The following GLIS3 variants were observed in gnomAD, a reference collection of about 807,000 sequenced individuals.
The protein encoded by GLIS3 is zinc finger protein GLIS3.
Under a neutral mutation model 78.6 loss-of-function variants are expected in GLIS3, and 53 were observed. The observed-to-expected ratio is 0.67, with a 90% CI of 0.54 to 0.85. The LOEUF (loss-of-function observed/expected upper bound fraction) is 0.85. Among genes scored for constraint, GLIS3 ranks in the 40% least tolerant of loss-of-function variants. The pLI is 0.00. For missense variants in GLIS3, 1,703 were observed against 1,231.1 expected (o/e 1.38, Z -5.74); for synonymous variants, 684 against 509.9 (o/e 1.34, Z -4.60).
intron 2 of GLIS3, among the ~76,000 whole-genome samples, chr9:4,232,632 G>C (rs1025299301): frequency 6.6e-6 from 1 of 152,080 alleles, no homozygotes; most frequent in Admixed American, 6.5e-5. Flanking sequence ...ACCAGTACTA[G>C]CAACAGGTAG....
chr9:4,402,784 A>G, the GLIS3 span, among the ~76,000 whole-genome samples: 1 of 152,172 alleles, frequency 6.6e-6, no homozygotes, highest in Non-Finnish European at 1.5e-5. Flanking sequence ...AGAAGGGGAA[A>G]GAAAGATAAA....
chr9:4,241,890 G>C (rs1283149069), intron 2 of GLIS3, among the ~76,000 whole-genome samples: 2 of 152,088 alleles, frequency 1.3e-5, no homozygotes, highest in Admixed American at 1.3e-4. Context: ...TGCCATGTTG[G>C]CCAGGCTGTT....
At chr9:4,247,436 G>C (rs575892394) in intron 2 of GLIS3, among the ~76,000 whole-genome samples, 1 of 152,070 alleles carries the variant, frequency 6.6e-6, no homozygotes, top group African/African-American at 2.4e-5. Flanking sequence ...ATAATTATAA[G>C]AATAGATCTA....
At chr9:4,133,115 ACTAT>A (rs577843544) in intron 2 of GLIS3, among the ~76,000 whole-genome samples, 21 of 152,222 alleles carry the variant, frequency 1.4e-4, no homozygotes, top group African/African-American at 1.2e-4. Flanking sequence ...AGCTCATCGT[ACTAT>A]CTATCTATCT....
intron 9 of GLIS3, among the ~76,000 whole-genome samples, chr9:3,834,311 A>G (rs1818216614): frequency 6.6e-6 from 1 of 152,198 alleles, no homozygotes; most frequent in Non-Finnish European, 1.5e-5. Flanking sequence ...TTACATGAGT[A>G]AATATGATAA....
intron 7 of GLIS3, among the ~76,000 whole-genome samples, chr9:3,889,352 G>T (rs1286479425): frequency 6.6e-6 from 1 of 152,140 alleles, no homozygotes; most frequent in Non-Finnish European, 1.5e-5. Context: ...AGAGTGCCCT[G>T]GGAGACCTAT....
chr9:4,368,743 C>T, the GLIS3 span, among the ~76,000 whole-genome samples: 1,336 of 152,270 alleles, frequency 8.8e-3, 20 homozygotes, highest in African/African-American at 0.03. Context: ...CTTGGCTCCT[C>T]AGCTTTAAGA....
At chr9:4,311,151 G>A (rs1301683649) in intron 2 of GLIS3, among the ~76,000 whole-genome samples, 5 of 152,248 alleles carry the variant, frequency 3.3e-5, no homozygotes, top group African/African-American at 1.2e-4. Context: ...GCTGATGCCT[G>A]TAATCCCAAC....
At chr9:3,965,179 C>CT (rs1817838230) in intron 4 of GLIS3, among the ~76,000 whole-genome samples, 2 of 129,594 alleles carry the variant, frequency 1.5e-5, no homozygotes, top group African/African-American at 2.9e-5. Flanking sequence ...TTTTCTATTT[C>CT]TTTCTTTTCT....
chr9:3,898,663 T>G, intron 7 of GLIS3, 28 bp downstream of exon 7: 1 of 1,613,954 alleles, frequency 6.2e-7, no homozygotes, highest in Non-Finnish European at 8.5e-7. Context: ...AGGGTAGTTG[T>G]GGTTGGCTCT....
chr9:3,933,743 T>A (rs1015133465), intron 5 of GLIS3, among the ~76,000 whole-genome samples: 29 of 152,310 alleles, frequency 1.9e-4, no homozygotes, highest in African/African-American at 6.7e-4. Flanking sequence ...GATTCCTTTT[T>A]AATGTTGCTT....
intron 4 of GLIS3, among the ~76,000 whole-genome samples, chr9:4,045,421 C>T (rs1825165957): frequency 6.6e-6 from 1 of 151,948 alleles, no homozygotes; most frequent in African/African-American, 2.4e-5. Context: ...CTGCATCCTC[C>T]ACCTCCCAGG....
chr9:4,187,289 A>T (rs191055069), intron 2 of GLIS3, among the ~76,000 whole-genome samples: 2 of 152,212 alleles, frequency 1.3e-5, no homozygotes, highest in Non-Finnish European at 2.9e-5. Context: ...CAGGTTTGTC[A>T]AAGATCAGAT....
the GLIS3 span, among the ~76,000 whole-genome samples, chr9:4,382,693 A>T: frequency 1.3e-5 from 2 of 152,184 alleles, no homozygotes; most frequent in Non-Finnish European, 2.9e-5. Flanking sequence ...TTCTAGAGTG[A>T]TGAGTGGGTA....
At chr9:3,926,222 C>T (rs1366405953) in intron 6 of GLIS3, among the ~76,000 whole-genome samples, 1 of 144,442 alleles carries the variant, frequency 6.9e-6, no homozygotes, top group Non-Finnish European at 1.5e-5. Context: ...TAAAGCAATG[C>T]TTTTTCTTTT....
intron 9 of GLIS3, among the ~76,000 whole-genome samples, chr9:3,842,299 C>T (rs1395047860): frequency 2.6e-5 from 4 of 152,170 alleles, no homozygotes; most frequent in Admixed American, 2.6e-4. Flanking sequence ...TGGTGAAACC[C>T]TGTCTCTACT....
chr9:4,424,935 T>C, the GLIS3 span, among the ~76,000 whole-genome samples: 1 of 152,058 alleles, frequency 6.6e-6, no homozygotes, highest in Non-Finnish European at 1.5e-5. Flanking sequence ...CAACGTGTTC[T>C]GGACAGTGAA....
the GLIS3 span, among the ~76,000 whole-genome samples, chr9:4,383,800 C>G: frequency 6.6e-6 from 1 of 152,320 alleles, no homozygotes; most frequent in East Asian, 1.9e-4. Context: ...TGACCACAAA[C>G]TTCTATGTTC....
chr9:4,327,120 G>A (rs769088912), intron 2 of GLIS3, among the ~76,000 whole-genome samples: 1 of 152,164 alleles, frequency 6.6e-6, no homozygotes, highest in East Asian at 1.9e-4. Context: ...CAGGAGCTGA[G>A]AGAAAGATTG....
Sources: allele counts gnomAD v4.1 joint callset (sites outside exome capture counted in the v4.1 genomes callset), GRCh38; gene constraint gnomAD v4.1.1; transcripts MANE v1.5; gene names NCBI Gene and HGNC (gene_info 2026-07-23, HGNC 2026-07-21).